SF3A1: variants seen among roughly 807,000 people sequenced by gnomAD.
The protein encoded by SF3A1 is SAP 114.
Under a neutral mutation model 89.9 loss-of-function variants are expected in SF3A1, and 13 were observed. That is an observed-to-expected ratio of 0.14 (90% confidence interval 0.09 to 0.23). SF3A1 has a LOEUF of 0.23. Ranked by LOEUF, SF3A1 falls within the 10% of genes least tolerant of loss-of-function variation. SF3A1 has a pLI of 1.00. For synonymous variants in SF3A1, 405 were observed against 374.4 expected (o/e 1.08, Z -0.94); for missense variants, 604 against 1,022.1 (o/e 0.59, Z 5.58).
At chr22:30,355,820 C>CCCA (rs1931793133) in intron 1 of SF3A1, among the ~76,000 whole-genome samples, 1 of 109,364 alleles carries the variant, frequency 9.1e-6, no homozygotes, top group Admixed American at 1.1e-4. Flanking sequence ...CATGTTCCCC[C>CCCA]CCCCCGCCCC....
intron 2 of SF3A1, among the ~76,000 whole-genome samples, chr22:30,349,217 A>G (rs1238018798): frequency 1.3e-5 from 2 of 152,242 alleles, no homozygotes; most frequent in Non-Finnish European, 1.5e-5. Context: ...AGAGTTCTGC[A>G]TGCCTGCTTT....
At chr22:30,340,079 A>G in intron 9 of SF3A1, 117 bp downstream of exon 9, 1 of 847,730 alleles carries the variant, frequency 1.2e-6, no homozygotes, top group Non-Finnish European at 1.7e-6. Flanking sequence ...AATATCATAG[A>G]GTGCAACTCT....
chr22:30,347,296 T>C (rs972006283), intron 2 of SF3A1, among the ~76,000 whole-genome samples: 6 of 151,986 alleles, frequency 3.9e-5, no homozygotes, highest in Non-Finnish European at 5.9e-5. Flanking sequence ...GACCCTGTCT[T>C]TAAGAAACAA....
chr22:30,342,919 C>A, intron 4 of SF3A1, 40 bp from the exon 5 acceptor site: 1 of 1,322,284 alleles, frequency 7.6e-7, no homozygotes, highest in Non-Finnish European at 1.1e-6. Context: ...CAGTGCTTTA[C>A]AACGCAGTAC....
chr22:30,335,150 C>T (rs1172876790), intron 15 of SF3A1, among the ~76,000 whole-genome samples: 2 of 152,186 alleles, frequency 1.3e-5, no homozygotes, highest in African/African-American at 2.4e-5. Flanking sequence ...GTCATACTGG[C>T]AGGGATGGCC....
intron 2 of SF3A1, among the ~76,000 whole-genome samples, chr22:30,349,752 G>T (rs962445308): frequency 6.6e-6 from 1 of 150,934 alleles, no homozygotes; most frequent in Non-Finnish European, 1.5e-5. Context: ...GACCTCTCAG[G>T]CTCAAGTGAT....
chr22:30,355,930 C>A (rs1240339802), intron 1 of SF3A1, among the ~76,000 whole-genome samples: 2 of 151,152 alleles, frequency 1.3e-5, no homozygotes, highest in East Asian at 3.9e-4. Flanking sequence ...ACCTACCTGG[C>A]AAACTCCTAT....
At chr22:30,352,459 G>A (rs1484088876) in intron 2 of SF3A1, 1 of 153,600 alleles carries the variant, frequency 6.5e-6, no homozygotes, top group Non-Finnish European at 1.5e-5. Flanking sequence ...CAATGCCCAT[G>A]CCATCTGAGG....
At chr22:30,344,887 T>G (rs1384984677) in intron 4 of SF3A1, 46 bp downstream of exon 4, 1 of 1,595,098 alleles carries the variant, frequency 6.3e-7, no homozygotes, top group African/African-American at 1.3e-5. Context: ...CATAAGATGT[T>G]TTCCTTTCCT....
chr22:30,342,465 T>C (rs1931290186), intron 5 of SF3A1, 115 bp from the exon 6 acceptor site: 3 of 1,201,678 alleles, frequency 2.5e-6, no homozygotes, highest in Non-Finnish European at 3.5e-6. Flanking sequence ...AGAATGGAAG[T>C]ATGGTTCCAA....
chr22:30,341,629 G>T, intron 7 of SF3A1, 63 bp downstream of exon 7: 2 of 1,415,572 alleles, frequency 1.4e-6, no homozygotes, highest in African/African-American at 1.4e-5. Context: ...CTGGTGGAGA[G>T]CACTTCGACC....
Position 30,333,732 on chromosome 22 carries a change from C to T in SF3A1, c.*862G>A, listed in dbSNP as rs565075096. The T allele has an allele frequency of 6.6e-6, 1 of 152,318 alleles. No homozygotes were observed. The highest frequency in any genetic ancestry group is 2.1e-4 in the South Asian group (1 of 4,826). The allele number at this position is 152,318 out of a possible 1,614,324, so 9.4% of individuals were successfully genotyped here. On this transcript the variant is annotated 3_prime_UTR_variant, in exon 16 of 16. Transcript: ENST00000215793. ...AAAAGTAGAGAGTAAATTATTTAAA[C>T]TTTATCAAATCCTTGGTACATGACC... is the stretch of plus-strand genomic sequence containing the variant.
At chr22:30,354,561 T>C (rs1477653888) in intron 1 of SF3A1, among the ~76,000 whole-genome samples, 1 of 152,158 alleles carries the variant, frequency 6.6e-6, no homozygotes, top group East Asian at 1.9e-4. Flanking sequence ...TTTGGTGTCC[T>C]CCACTTCCCC....
Position 30,332,659 on chromosome 22 carries a change from C to T in SF3A1, c.*1935G>A, listed in dbSNP as rs1930952158. On this transcript the variant is annotated 3_prime_UTR_variant, in exon 16 of 16. Coordinates refer to ENST00000215793, the MANE Select transcript of SF3A1 (RefSeq NM_005877.6). Reference sequence around the variant, plus strand: ...TAAACTAGTGCAGTGCCAAGCAGCACACTGGGCCTGTGGCCACTGATGTTC... The same window carrying T: ...TAAACTAGTGCAGTGCCAAGCAGCATACTGGGCCTGTGGCCACTGATGTTC... The T allele has an allele frequency of 2.0e-5, 3 of 152,242 alleles. No homozygotes were observed. The highest frequency in any genetic ancestry group is 2.0e-4 in the Admixed American group (3 of 15,286). The allele number at this position is 152,242 out of a possible 1,614,324, so 9.4% of individuals were successfully genotyped here.
At chr22:30,339,466 A>C (rs929450569) in intron 9 of SF3A1, among the ~76,000 whole-genome samples, 7 of 152,176 alleles carry the variant, frequency 4.6e-5, no homozygotes, top group African/African-American at 1.7e-4. Flanking sequence ...TTAGAAAAGA[A>C]CGGTAGGCCA....
At position 30,335,810 on chromosome 22, in the gene SF3A1, T is replaced by A. The variant is rs148365646; in HGVS notation, c.2107-57A>T. ...GGAGCTCGGAGCCAATCAAGAACTATGCTCTGCTATCCCTAGGCCTGTCCA... is the reference window on the plus strand; with the variant it reads ...GGAGCTCGGAGCCAATCAAGAACTAAGCTCTGCTATCCCTAGGCCTGTCCA... On this transcript the variant is annotated intron_variant, in intron 13 of 15. Transcript: ENST00000215793. The A allele has an allele frequency of 3.8e-5, 52 of 1,380,322 alleles. No individual in the cohort carries two copies. In the East Asian group the frequency reaches 1.2e-3, roughly 31 times the overall value. 85.5% of individuals were successfully genotyped at this position (1,380,322 alleles called of 1,614,324 possible).
chr22:30,352,711 G>A, intron 2 of SF3A1: 1 of 395,470 alleles, frequency 2.5e-6, no homozygotes, highest in Non-Finnish European at 4.6e-6. Context: ...CCTCAGGCCA[G>A]TTTTAGAAGC....
intron 4 of SF3A1, 80 bp downstream of exon 4, chr22:30,344,853 G>C (rs1569172935): frequency 2.0e-6 from 3 of 1,509,670 alleles, no homozygotes; most frequent in Admixed American, 3.7e-5. Flanking sequence ...CTTGTAGACA[G>C]TGAGTGGACA....
chr22:30,336,650 G>A (rs981077384), intron 13 of SF3A1, among the ~76,000 whole-genome samples: 1 of 152,116 alleles, frequency 6.6e-6, no homozygotes, highest in Non-Finnish European at 1.5e-5. Flanking sequence ...GCTAGAGCTG[G>A]GGAGGAAGGC....
Sources: gnomAD v4.1 joint callset for allele counts (sites outside exome capture counted in the v4.1 genomes callset) on GRCh38, gnomAD v4.1.1 for gene constraint, MANE v1.5 for transcripts, NCBI Gene and HGNC (gene_info 2026-07-23, HGNC 2026-07-21) for gene names.